Variants in PDGFRA observed in about 807,000 individuals in gnomAD.
PDGFRA encodes platelet-derived growth factor receptor alpha.
Under a neutral mutation model 121.5 loss-of-function variants are expected in PDGFRA, and 25 were observed. That is an observed-to-expected ratio of 0.21 (90% CI 0.15 to 0.29). PDGFRA has a LOEUF of 0.29. PDGFRA is among the 10% of genes least tolerant of loss of function. The pLI, the probability that PDGFRA is intolerant of heterozygous loss-of-function variation, is 1.00. For missense variants in PDGFRA, 1,008 were observed against 1,345.1 expected (o/e 0.75, Z 3.92); for synonymous variants, 463 against 494.8 (o/e 0.94, Z 0.85).
intron 17 of PDGFRA, 59 bp downstream of exon 17, chr4:54,285,545 G>A (rs1346807415): frequency 1.4e-5 from 11 of 800,628 alleles, no homozygotes; most frequent in African/African-American, 8.4e-5. Context: ...GAGTGTGGAC[G>A]GAGATGCTAG....
At chr4:54,248,534 T>G (rs1721834731) in intron 1 of PDGFRA, among the ~76,000 whole-genome samples, 1 of 152,126 alleles carries the variant, frequency 6.6e-6, no homozygotes, top group Non-Finnish European at 1.5e-5. Context: ...TGAAACTGGA[T>G]CCCTTCCTTA....
chr4:54,247,710 C>T (rs550323697), intron 1 of PDGFRA, among the ~76,000 whole-genome samples: 3 of 152,024 alleles, frequency 2.0e-5, no homozygotes, highest in Non-Finnish European at 2.9e-5. Flanking sequence ...TAGTGTTGGA[C>T]GTTCTGGCCA....
intron 1 of PDGFRA, among the ~76,000 whole-genome samples, chr4:54,241,019 G>A (rs1041520359): frequency 6.6e-6 from 1 of 152,122 alleles, no homozygotes; most frequent in Non-Finnish European, 1.5e-5. Flanking sequence ...ATAAAAGAGT[G>A]CTCATAAAAA....
intron 18 of PDGFRA, among the ~76,000 whole-genome samples, chr4:54,287,063 G>A (rs778043588): frequency 2.6e-5 from 4 of 152,092 alleles, no homozygotes; most frequent in Non-Finnish European, 5.9e-5. Flanking sequence ...AGCTGTAATC[G>A]GCTCATAGAT....
chr4:54,240,005 C>G (rs550364066), intron 1 of PDGFRA: 2 of 413,562 alleles, frequency 4.8e-6, no homozygotes, highest in Non-Finnish European at 9.7e-6. Flanking sequence ...CATGCACCAC[C>G]ACGCCTGGCT....
intron 16 of PDGFRA, among the ~76,000 whole-genome samples, chr4:54,282,403 C>T (rs1004456338): frequency 2.0e-5 from 3 of 151,972 alleles, no homozygotes; most frequent in Non-Finnish European, 4.4e-5. Context: ...CAAGAGCAAG[C>T]GAGAGAGAGA....
chr4:54,236,034 A>T (rs1164795390), intron 1 of PDGFRA, among the ~76,000 whole-genome samples: 2 of 152,244 alleles, frequency 1.3e-5, no homozygotes, highest in Non-Finnish European at 2.9e-5. Flanking sequence ...CCTGCCTGAG[A>T]GTCAACAGGG....
intron 1 of PDGFRA, among the ~76,000 whole-genome samples, chr4:54,250,327 G>C (rs1454142372): frequency 1.3e-5 from 2 of 152,172 alleles, no homozygotes; most frequent in Non-Finnish European, 2.9e-5. Flanking sequence ...GTTCCAAACT[G>C]AAATTCTAAT....
At chr4:54,233,026 TC>T (rs1258685392) in intron 1 of PDGFRA, among the ~76,000 whole-genome samples, 2 of 150,404 alleles carry the variant, frequency 1.3e-5, no homozygotes, top group Admixed American at 6.6e-5. Flanking sequence ...TCGGCCCCTT[TC>T]CCCCCACCCG....
chr4:54,273,475 G>A (rs2110290901), intron 9 of PDGFRA, 62 bp from the exon 10 acceptor site: 2 of 1,318,592 alleles, frequency 1.5e-6, no homozygotes, highest in East Asian at 2.3e-5. Flanking sequence ...TGTTCCCGTG[G>A]CTCCACTCAT....
At position 54,273,631 on chromosome 4, in the gene PDGFRA, C is replaced by T. The variant is rs763237825; in HGVS notation, c.1459C>T (p.Arg487Cys). The T allele has an allele frequency of 7.4e-6, 12 of 1,613,886 alleles. No individual in the cohort carries two copies. Among genetic ancestry groups the T allele is most frequent in the East Asian group, 4.5e-5 (2 of 44,874 alleles). Residue 487 changes from arginine to cysteine, a missense_variant, in exon 10 of 23, where the codon CGT (arginine) becomes TGT (cysteine). By Grantham distance (180) the Arg-to-Cys change is radical (BLOSUM62 -3). Transcript: ENST00000257290. Reference protein sequence around the residue: ...HSRDRSTVEGRVTFAKVEETI... With the variant: ...HSRDRSTVEGCVTFAKVEETI... ...CCGAGACAGGAGTACCGTGGAGGGC[C>T]GTGTGACTTTCGCCAAAGTGGAGGA... is the stretch of plus-strand genomic sequence containing the variant.
chr4:54,285,630 G>A (rs1724317176), intron 17 of PDGFRA, 144 bp downstream of exon 17: 1 of 736,832 alleles, frequency 1.4e-6, no homozygotes, highest in Non-Finnish European at 2.5e-6. Flanking sequence ...CCCCTACGCA[G>A]GTCAGGGAGT....
chr4:54,280,946 C>T (rs557636743), intron 16 of PDGFRA, among the ~76,000 whole-genome samples: 1 of 151,988 alleles, frequency 6.6e-6, no homozygotes, highest in Non-Finnish European at 1.5e-5. Flanking sequence ...TCTCTGATGT[C>T]TATGAGTTCA....
In PDGFRA at chr4:54,290,473, C is replaced by G; in HGVS notation, c.3041C>G (p.Ala1014Gly). The G allele has an allele frequency of 1.2e-6, 2 of 1,613,730 alleles. No individual in the cohort carries two copies. The highest frequency in any genetic ancestry group is 1.7e-6 in the Non-Finnish European group (2 of 1,179,622). The change falls in exon 22 of 23, where the codon GCT (alanine) becomes GGT (glycine). Residue 1014 changes from alanine to glycine, a missense_variant. Ala to Gly is a moderately conservative substitution (Grantham distance 60). Around this residue, in one of 5 missense-constraint regions of PDGFRA, gnomAD observed 204 missense variants for 243.0 expected, o/e 0.84. Coordinates refer to ENST00000257290, the MANE Select transcript of PDGFRA (RefSeq NM_006206.6). Reference protein sequence around the residue: ...EGGLDEQRLSADSGYIIPLPD... With the variant: ...EGGLDEQRLSGDSGYIIPLPD... ...GGTCTGGATGAGCAGAGACTGAGCG[C>G]TGACAGTGGCTACATCATTCCTCTG...
intron 15 of PDGFRA, among the ~76,000 whole-genome samples, chr4:54,280,008 A>G (rs1723980469): frequency 6.6e-6 from 1 of 152,004 alleles, no homozygotes; most frequent in South Asian, 2.1e-4. Flanking sequence ...TTGGTTCCAC[A>G]TTTTTTCAAT....
intron 18 of PDGFRA, among the ~76,000 whole-genome samples, chr4:54,286,796 T>G (rs1724386905): frequency 6.6e-6 from 1 of 152,198 alleles, no homozygotes; most frequent in South Asian, 2.1e-4. Context: ...ACCATTTGGG[T>G]TTATGTATCT....
At chr4:54,258,616 G>T in intron 1 of PDGFRA, 141 bp from the exon 2 acceptor site, 1 of 719,582 alleles carries the variant, frequency 1.4e-6, no homozygotes. Context: ...CTTACTGTTT[G>T]AACCTTGAAT....
intron 1 of PDGFRA, among the ~76,000 whole-genome samples, chr4:54,243,840 G>C (rs1443277809): frequency 1.3e-5 from 2 of 152,194 alleles, no homozygotes; most frequent in African/African-American, 2.4e-5. Context: ...ACGGCACCTG[G>C]AAAATCGGGT....
chr4:54,292,392 G>A (rs368815248), intron 22 of PDGFRA, among the ~76,000 whole-genome samples: 15 of 152,074 alleles, frequency 9.9e-5, no homozygotes, highest in Non-Finnish European at 1.8e-4. Flanking sequence ...GCTGGAAGCC[G>A]TTACCGTCAG....
Sources: gnomAD v4.1 joint callset for allele counts (sites outside exome capture counted in the v4.1 genomes callset) on GRCh38, gnomAD v4.1.1 for gene constraint, gnomAD v4.1.1 regional missense constraint, MANE v1.5 for transcripts, NCBI Gene and HGNC (gene_info 2026-07-23, HGNC 2026-07-21) for gene names.